TENM3: variants seen among roughly 807,000 people sequenced by gnomAD.
TENM3 encodes teneurin-3.
TENM3 carries 63 observed loss-of-function variants against 255.1 expected under a neutral mutation model. The observed-to-expected ratio is 0.25, with a 90% confidence interval of 0.20 to 0.30. The LOEUF (loss-of-function observed/expected upper bound fraction) is 0.30, where lower values mean the gene tolerates loss of function less well. Among genes scored for constraint, TENM3 ranks in the 10% least tolerant of loss-of-function variants. TENM3 has a pLI of 1.00. For synonymous variants in TENM3, 1,306 were observed against 1,322.3 expected (o/e 0.99, Z 0.27); for missense variants, 2,929 against 3,461.1 (o/e 0.85, Z 3.86).
At chr4:182,454,715 A>G (rs942290254) in intron 3 of TENM3, among the ~76,000 whole-genome samples, 3 of 152,332 alleles carry the variant, frequency 2.0e-5, no homozygotes, top group Admixed American at 6.5e-5. Flanking sequence ...TCTTAACTTT[A>G]TGGCCAAGAT....
At chr4:182,018,328 C>G in the TENM3 span, among the ~76,000 whole-genome samples, 1 of 152,022 alleles carries the variant, frequency 6.6e-6, no homozygotes, top group East Asian at 1.9e-4. Context: ...GATTTTATTT[C>G]CTTAACTAAA....
At chr4:181,474,961 C>T in the TENM3 span, among the ~76,000 whole-genome samples, 3,734 of 152,148 alleles carry the variant, frequency 0.025, 147 homozygotes, top group African/African-American at 0.082. Flanking sequence ...ATGAAAAACA[C>T]TAATTTAATA....
chr4:182,143,089 T>C (rs1022010526), upstream of TENM3: 16 of 167,050 alleles, frequency 9.6e-5, no homozygotes, highest in South Asian at 4.1e-4. The surrounding 1 kb of genome is among the most constrained non-coding windows in gnomAD (Gnocchi z 4.3). Context: ...ACTTTTTTTT[T>C]CCCTCCCACA....
chr4:182,721,843 C>G (rs1759760098), intron 13 of TENM3, among the ~76,000 whole-genome samples: 1 of 152,004 alleles, frequency 6.6e-6, no homozygotes, highest in African/African-American at 2.4e-5. Context: ...GATTGATGAT[C>G]TTTATATTTA....
the TENM3 span, among the ~76,000 whole-genome samples, chr4:182,133,567 A>G: frequency 6.6e-6 from 1 of 152,204 alleles, no homozygotes; most frequent in Non-Finnish European, 1.5e-5. Flanking sequence ...ATAGCCAGCA[A>G]AAATTTGTAC....
chr4:181,641,552 G>GTGTATA, the TENM3 span, among the ~76,000 whole-genome samples: 1 of 21,690 alleles, frequency 4.6e-5, no homozygotes, highest in East Asian at 2.6e-3. Flanking sequence ...CATGGTGTGT[G>GTGTATA]TGTATATATA....
At chr4:182,672,405 A>T (rs1561086080) in intron 6 of TENM3, among the ~76,000 whole-genome samples, 1 of 152,200 alleles carries the variant, frequency 6.6e-6, no homozygotes, top group Admixed American at 6.5e-5. Flanking sequence ...CACAAAAGCT[A>T]TGTGAGCACT....
chr4:181,561,989 T>C, the TENM3 span, among the ~76,000 whole-genome samples: 18,182 of 152,124 alleles, frequency 0.12, 1,149 homozygotes, highest in South Asian at 0.2. Flanking sequence ...TTTGTCTAAT[T>C]CATATCAGGT....
chr4:182,588,859 C>G (rs145666979), intron 3 of TENM3, among the ~76,000 whole-genome samples: 1 of 152,294 alleles, frequency 6.6e-6, no homozygotes, highest in Non-Finnish European at 1.5e-5. Flanking sequence ...CTTGTTTTCA[C>G]CCACTGAAAT....
chr4:181,991,095 G>A, the TENM3 span, among the ~76,000 whole-genome samples: 2 of 152,036 alleles, frequency 1.3e-5, no homozygotes, highest in African/African-American at 2.4e-5. Context: ...TACATTAAGC[G>A]TGAATTACTT....
chr4:182,652,007 C>T (rs1167245102), intron 5 of TENM3, among the ~76,000 whole-genome samples: 1 of 152,210 alleles, frequency 6.6e-6, no homozygotes, highest in Non-Finnish European at 1.5e-5. Context: ...CCGTTACTAA[C>T]ATGTTCTCCT....
At chr4:182,111,835 C>T in the TENM3 span, among the ~76,000 whole-genome samples, 1 of 152,140 alleles carries the variant, frequency 6.6e-6, no homozygotes, top group Non-Finnish European at 1.5e-5. Context: ...GGATTGGTGA[C>T]CAATTTGTTG....
intron 1 of TENM3, among the ~76,000 whole-genome samples, chr4:182,321,651 A>G (rs1486072046): frequency 6.7e-6 from 1 of 148,992 alleles, no homozygotes; most frequent in Admixed American, 6.7e-5. Flanking sequence ...ATAATAATAA[A>G]ATAACTTCTC....
At chr4:181,974,189 T>C in the TENM3 span, among the ~76,000 whole-genome samples, 2 of 152,146 alleles carry the variant, frequency 1.3e-5, no homozygotes, top group African/African-American at 4.8e-5. Context: ...AATCTTGGCA[T>C]GGGTAGCACA....
At chr4:182,633,790 C>A (rs1715525586) in intron 5 of TENM3, among the ~76,000 whole-genome samples, 1 of 152,128 alleles carries the variant, frequency 6.6e-6, no homozygotes, top group African/African-American at 2.4e-5. Context: ...TATACTGTCT[C>A]CCGTGAGGTT....
At chr4:181,661,691 C>T in the TENM3 span, among the ~76,000 whole-genome samples, 20 of 152,058 alleles carry the variant, frequency 1.3e-4, no homozygotes, top group South Asian at 4.2e-4. Flanking sequence ...CTGGGAGGTG[C>T]GGTTATCAGG....
At chr4:181,608,587 A>G in the TENM3 span, among the ~76,000 whole-genome samples, 8 of 141,334 alleles carry the variant, frequency 5.7e-5, no homozygotes, top group Admixed American at 5.4e-4. Context: ...ATTCAGGAAA[A>G]TATTTCAAAA....
At chr4:182,508,213 C>T (rs1737035277) in intron 3 of TENM3, among the ~76,000 whole-genome samples, 1 of 152,150 alleles carries the variant, frequency 6.6e-6, no homozygotes, top group South Asian at 2.1e-4. Context: ...AAATGTTAGC[C>T]ATCATTATTG....
At chr4:182,557,474 A>T (rs923359779) in intron 3 of TENM3, among the ~76,000 whole-genome samples, 5 of 152,290 alleles carry the variant, frequency 3.3e-5, no homozygotes, top group East Asian at 1.9e-4. Flanking sequence ...GTTTCATTTT[A>T]AAAAAGGACA....
Sources: allele counts gnomAD v4.1 joint callset (sites outside exome capture counted in the v4.1 genomes callset), GRCh38; gene constraint gnomAD v4.1.1; non-coding constraint Gnocchi (gnomAD v3.1); transcripts MANE v1.5; gene names NCBI Gene and HGNC (gene_info 2026-07-23, HGNC 2026-07-21).